SNX5: variants seen among roughly 807,000 people sequenced by gnomAD.
The protein encoded by SNX5 is sorting nexin-5.
Under a neutral mutation model 53.9 loss-of-function variants are expected in SNX5, and 31 were observed. The observed-to-expected ratio is 0.58, with a 90% CI of 0.43 to 0.78. The LOEUF (loss-of-function observed/expected upper bound fraction) is 0.78, where lower values mean the gene tolerates loss of function less well. SNX5 is among the 30% of genes least tolerant of loss of function. SNX5 has a pLI of 0.00. For missense variants in SNX5, 471 were observed against 478.8 expected, an observed-to-expected ratio of 0.98 and a Z score of 0.15; for synonymous variants, 168 against 171.1, an observed-to-expected ratio of 0.98 and a Z score of 0.14.
intron 1 of SNX5, among the ~76,000 whole-genome samples, chr20:17,960,844 T>C (rs564646848): frequency 2.0e-5 from 3 of 151,376 alleles, no homozygotes; most frequent in Middle Eastern, 3.5e-3. Context: ...TGAGACCTCA[T>C]CTCTATTTCA....
At chr20:17,966,350 G>C (rs1363228282) in intron 1 of SNX5, among the ~76,000 whole-genome samples, 1 of 150,044 alleles carries the variant, frequency 6.7e-6, no homozygotes, top group East Asian at 2.0e-4. Flanking sequence ...GAGCCATTGC[G>C]CTCCAGCCTG....
At chr20:17,958,508 C>T (rs1482764886) in intron 1 of SNX5, among the ~76,000 whole-genome samples, 1 of 152,084 alleles carries the variant, frequency 6.6e-6, no homozygotes, top group Non-Finnish European at 1.5e-5. Context: ...AATGGCTTTC[C>T]TCCAAAAAAT....
At chr20:17,956,693 A>AAAC (rs2035364388) in intron 2 of SNX5, among the ~76,000 whole-genome samples, 1 of 139,820 alleles carries the variant, frequency 7.2e-6, no homozygotes, top group Non-Finnish European at 1.6e-5. Flanking sequence ...AAAAAAAAAA[A>AAAC]AAAAAAAAAA....
At chr20:17,965,654 G>C (rs1255197497) in intron 1 of SNX5, among the ~76,000 whole-genome samples, 1 of 137,554 alleles carries the variant, frequency 7.3e-6, no homozygotes, top group East Asian at 2.2e-4. Context: ...CTGGGTGACA[G>C]AGCCAGACCC....
chr20:17,955,414 A>C lies in SNX5; in HGVS notation c.218T>G (p.Val73Gly), dbSNP rs1385171593. Residue 73 changes from valine to glycine, a missense_variant, in exon 3 of 13, where the codon GTG becomes GGG. Val to Gly is a moderately radical substitution (Grantham distance 109). Coordinates refer to ENST00000377759, the MANE Select transcript of SNX5 (RefSeq NM_014426.4). ...FSVTRQHEDFVWLHDTLIETT... is the reference protein window; with the variant it reads ...FSVTRQHEDFGWLHDTLIETT... ...TTCAATAAGAGTGTCATGTAGCCAC[A>C]CAAAGTCTTCATGTTGCCTTGTAAC... 6.2e-7 allele frequency: 1 copy of C among 1,614,058 alleles called. No individual in the cohort carries two copies. Among genetic ancestry groups the C allele is most frequent in the African/African-American group, 1.3e-5 (1 of 74,946 alleles).
intron 2 of SNX5, 72 bp from the exon 3 acceptor site, chr20:17,955,547 C>CA: frequency 9.7e-7 from 1 of 1,026,710 alleles, no homozygotes; most frequent in East Asian, 2.4e-5. Flanking sequence ...CTAGGCTACA[C>CA]AGTGGGAAAA....
At position 17,957,047 on chromosome 20, in the gene SNX5, AT is replaced by A. The variant is rs750637670; in HGVS notation, c.52-11del. The A allele has an allele frequency of 4.7e-6, 7 of 1,502,408 alleles. No individual in the cohort carries two copies. The highest frequency in any genetic ancestry group is 6.5e-6 in the Non-Finnish European group (7 of 1,078,010). 93.1% of individuals were successfully genotyped at this position (1,502,408 alleles called of 1,614,324 possible). On this transcript the variant is annotated splice_polypyrimidine_tract_variant and intron_variant, in intron 1 of 12. Transcript: ENST00000377759. ...CAGATACAGATCTCAGCTGAAATAC[AT>A]TTTTTGCGTATTAGTTTCAAACTCA...
rs1398257211 is a variant in SNX5, at chr20:17,942,360, G to A, written c.1212C>T (p.Asn404=). Residue 404 remains asparagine (N), a synonymous_variant, in exon 13 of 13, where the codon AAC becomes AAT. Transcript: ENST00000377759. The part of the protein sequence containing the change: ...LQSCIDLFKN[N] ...TTTTCTTCTGAGTGAAGGCATATCA[G>A]TTATTCTTGAACAAGTCAATACAGC... The A allele has an allele frequency of 6.9e-6, 11 of 1,602,824 alleles. No individual in the cohort carries two copies. Among genetic ancestry groups the A allele is most frequent in the Non-Finnish European group, 9.4e-6 (11 of 1,169,810 alleles).
chr20:17,967,377 T>C (rs2035561758), intron 1 of SNX5, among the ~76,000 whole-genome samples: 1 of 152,104 alleles, frequency 6.6e-6, no homozygotes, highest in African/African-American at 2.4e-5. Flanking sequence ...CACCCTCCTG[T>C]ATAGAAAGCT....
At chr20:17,968,224 G>C (rs2035594858) in intron 1 of SNX5, 151 bp downstream of exon 1, 1 of 518,768 alleles carries the variant, frequency 1.9e-6, no homozygotes, top group African/African-American at 2.0e-5. Flanking sequence ...GTGAAGACCA[G>C]GGAGAGGGGC....
chr20:17,961,715 ACTAT>A, intron 1 of SNX5: 3 of 985,330 alleles, frequency 3.0e-6, no homozygotes, highest in Non-Finnish European at 3.6e-6. Context: ...TCTCTTTCAA[ACTAT>A]CTGTTCCTAG....
chr20:17,946,059 T>G (rs1279009604), intron 11 of SNX5, among the ~76,000 whole-genome samples: 1 of 152,054 alleles, frequency 6.6e-6, no homozygotes, highest in Non-Finnish European at 1.5e-5. Context: ...CCAGAGAAGA[T>G]CCACAGAATC....
chr20:17,953,563 G>A (rs78966298), intron 4 of SNX5, among the ~76,000 whole-genome samples: 1 of 152,170 alleles, frequency 6.6e-6, no homozygotes, highest in African/African-American at 2.4e-5. Context: ...CTGATCACTT[G>A]AACTCAGGAG....
chr20:17,966,918 G>A (rs944193887), intron 1 of SNX5, among the ~76,000 whole-genome samples: 5 of 152,206 alleles, frequency 3.3e-5, no homozygotes, highest in African/African-American at 9.6e-5. Context: ...CAAAAATAAA[G>A]CCACGCGTCA....
chr20:17,948,884 T>G lies in SNX5; in HGVS notation c.918+6A>C, dbSNP rs1181052911. On this transcript the variant is annotated splice_donor_region_variant and intron_variant, in intron 10 of 12. Transcript: ENST00000377759. The stretch of plus-strand genomic sequence containing the variant: ...GCTCTGAGAAGCTGAGCAACTCTCT[T>G]CCTACCTTAGCAGCTTCAATGTTGA... The G allele has an allele frequency of 5.0e-6, 8 of 1,610,894 alleles. No individual in the cohort carries two copies. Among genetic ancestry groups the G allele is most frequent in the Non-Finnish European group, 6.8e-6 (8 of 1,178,816 alleles).
Position 17,968,783 on chromosome 20 carries a change from G to T in SNX5, c.-358C>A, listed in dbSNP as rs909482464. ...AACGGACACTCTCCCAGCAAGACGC[G>T]TCTAGAGAAAGACCGCGTTTCGGTG... On this transcript the variant is annotated 5_prime_UTR_variant, in exon 1 of 13. Transcript: ENST00000377759. The T allele has an allele frequency of 3.0e-5, 9 of 303,460 alleles. No individual in the cohort carries two copies. The highest frequency in any genetic ancestry group is 1.1e-4 in the Admixed American group (2 of 18,840). The allele number at this position is 303,460 out of a possible 1,614,324, so 18.8% of individuals were successfully genotyped here. A position where few individuals can be genotyped will look rare whatever the true frequency, so the allele number is the denominator to read the frequency against.
intron 1 of SNX5, chr20:17,963,095 G>A (rs2035484704): frequency 2.8e-6 from 1 of 353,008 alleles, no homozygotes; most frequent in East Asian, 7.5e-5. Context: ...CAAAACAGCT[G>A]AACTAATGAT....
chr20:17,943,023 C>A (rs998277762), intron 12 of SNX5, 87 bp downstream of exon 12: 2 of 889,618 alleles, frequency 2.2e-6, no homozygotes, highest in South Asian at 1.4e-5. Context: ...GCCACCCCAA[C>A]TGCCTGATGA....
intron 10 of SNX5, among the ~76,000 whole-genome samples, chr20:17,947,909 T>C (rs2039509226): frequency 6.6e-6 from 1 of 152,176 alleles, no homozygotes; most frequent in Non-Finnish European, 1.5e-5. Context: ...AGTAATTCAG[T>C]AAATAAAGTT....
Sources: gnomAD v4.1 joint callset for allele counts (sites outside exome capture counted in the v4.1 genomes callset) on GRCh38, gnomAD v4.1.1 for gene constraint, MANE v1.5 for transcripts, NCBI Gene and HGNC (gene_info 2026-07-23, HGNC 2026-07-21) for gene names.